Variants in GRB10 observed in about 807,000 individuals in gnomAD.
GRB10 encodes growth factor receptor-bound protein 10.
In GRB10, 20 loss-of-function variants were observed where a neutral mutation model predicts 80.9. That is an observed-to-expected ratio of 0.25 (90% CI 0.17 to 0.36). The LOEUF (loss-of-function observed/expected upper bound fraction) is 0.36. GRB10 is among the 10% of genes least tolerant of loss of function. The pLI, the probability that GRB10 is intolerant of heterozygous loss-of-function variation, is 1.00. For missense variants in GRB10, 548 were observed against 747.7 expected (o/e 0.73, Z 3.12); for synonymous variants, 291 against 291.5 (o/e 1.00, Z 0.02).
chr7:50,631,538 G>T (rs2190496), intron 7 of GRB10, among the ~76,000 whole-genome samples: 1 of 152,092 alleles, frequency 6.6e-6, no homozygotes. Flanking sequence ...GTAAAATGGA[G>T]TTTTTAGTAA....
chr7:50,705,423 A>G (rs1563523168), intron 4 of GRB10: 3 of 386,274 alleles, frequency 7.8e-6, no homozygotes, highest in African/African-American at 6.6e-5. Flanking sequence ...CTTTCTTTTC[A>G]TTTTTTAATC....
chr7:50,771,695 T>C (rs2076993935), intron 2 of GRB10, among the ~76,000 whole-genome samples: 1 of 152,134 alleles, frequency 6.6e-6, no homozygotes, highest in African/African-American at 2.4e-5. Flanking sequence ...TTTAAACTGG[T>C]AGAAGAGACC....
At chr7:50,716,735 C>T (rs202111350) in intron 4 of GRB10, among the ~76,000 whole-genome samples, 1 of 152,334 alleles carries the variant, frequency 6.6e-6, no homozygotes, top group African/African-American at 2.4e-5. Context: ...TCTCCCCTCC[C>T]TCCATCCCCA....
intron 14 of GRB10, among the ~76,000 whole-genome samples, chr7:50,606,026 G>A (rs1371874303): frequency 1.3e-5 from 2 of 152,196 alleles, no homozygotes; most frequent in Non-Finnish European, 2.9e-5. Context: ...GCGAAAGGCA[G>A]GAAAGGCAGT....
chr7:50,665,351 T>C (rs2059688446), intron 7 of GRB10, among the ~76,000 whole-genome samples: 1 of 152,218 alleles, frequency 6.6e-6, no homozygotes, highest in Non-Finnish European at 1.5e-5. Flanking sequence ...TGTTTTAAAA[T>C]TCATCATCAA....
At chr7:50,788,841 A>T (rs1263388946) in intron 1 of GRB10, among the ~76,000 whole-genome samples, 1 of 152,204 alleles carries the variant, frequency 6.6e-6, no homozygotes, top group Admixed American at 6.5e-5. Flanking sequence ...GTAAGAGTCC[A>T]GACACCAACC....
intron 3 of GRB10, among the ~76,000 whole-genome samples, chr7:50,734,074 ATATT>A (rs1248481674): frequency 6.6e-6 from 1 of 151,828 alleles, no homozygotes; most frequent in Non-Finnish European, 1.5e-5. Context: ...ATTTAAACAT[ATATT>A]TATTTATTTT....
chr7:50,736,632 A>G (rs35570017), intron 3 of GRB10, among the ~76,000 whole-genome samples: 1 of 152,164 alleles, frequency 6.6e-6, no homozygotes, highest in Non-Finnish European at 1.5e-5. Flanking sequence ...GCCTCTAAAA[A>G]AATTAGCCAG....
At chr7:50,618,234 C>T (rs2051004597) in intron 9 of GRB10, 95 bp from the exon 10 acceptor site, 3 of 917,250 alleles carry the variant, frequency 3.3e-6, no homozygotes, top group Non-Finnish European at 1.8e-6. Context: ...ACTATTCCTA[C>T]CAGTATAATT....
At chr7:50,720,454 G>A (rs762784044) in intron 4 of GRB10, among the ~76,000 whole-genome samples, 30 of 152,002 alleles carry the variant, frequency 2.0e-4, no homozygotes, top group Non-Finnish European at 1.3e-4. Context: ...ACTCATAACC[G>A]GTGGCAGCAA....
intron 4 of GRB10, among the ~76,000 whole-genome samples, chr7:50,709,475 C>G (rs913573089): frequency 2.0e-5 from 3 of 152,198 alleles, no homozygotes; most frequent in African/African-American, 7.2e-5. Flanking sequence ...CACAAATGCC[C>G]CCTGGCCTCA....
At chr7:50,792,423 A>C (rs781063127) in intron 1 of GRB10, 1 of 398,568 alleles carries the variant, frequency 2.5e-6, no homozygotes, top group Admixed American at 4.4e-5. Flanking sequence ...AGACGCACAC[A>C]ATAAAAAGTA....
chr7:50,645,044 T>G (rs1206099316), intron 7 of GRB10, among the ~76,000 whole-genome samples: 1 of 152,140 alleles, frequency 6.6e-6, no homozygotes, highest in Non-Finnish European at 1.5e-5. Flanking sequence ...TGAGAAAAAT[T>G]TCATAAATGG....
intron 3 of GRB10, among the ~76,000 whole-genome samples, chr7:50,755,141 T>C (rs2074866860): frequency 6.6e-6 from 1 of 152,202 alleles, no homozygotes; most frequent in African/African-American, 2.4e-5. Context: ...AAGCCCGAGC[T>C]AACAGCATCC....
chr7:50,788,719 G>A (rs1194980432), intron 1 of GRB10, among the ~76,000 whole-genome samples: 1 of 152,212 alleles, frequency 6.6e-6, no homozygotes, highest in Non-Finnish European at 1.5e-5. Context: ...AAGCAGGACT[G>A]CCCACTAGCA....
intron 3 of GRB10, among the ~76,000 whole-genome samples, chr7:50,746,822 C>A (rs1290153288): frequency 6.6e-6 from 1 of 152,162 alleles, no homozygotes; most frequent in Non-Finnish European, 1.5e-5. Context: ...GCTCCCCTGG[C>A]CTGTCCCTGC....
chr7:50,666,190 T>C (rs1262834269), intron 7 of GRB10, among the ~76,000 whole-genome samples: 1 of 152,190 alleles, frequency 6.6e-6, no homozygotes, highest in East Asian at 1.9e-4. Flanking sequence ...AACTACTCCA[T>C]CCTGCTTCCT....
intron 2 of GRB10, among the ~76,000 whole-genome samples, chr7:50,775,601 T>C (rs1267065577): frequency 6.6e-6 from 1 of 152,198 alleles, no homozygotes; most frequent in Non-Finnish European, 1.5e-5. Flanking sequence ...ATTGCCCTAG[T>C]GGGGGCTCTT....
chr7:50,711,027 A>T, intron 4 of GRB10: 2 of 821,690 alleles, frequency 2.4e-6, no homozygotes. Flanking sequence ...TAATAACTCC[A>T]CTAAGGTAAA....
Sources: allele counts gnomAD v4.1 joint callset (sites outside exome capture counted in the v4.1 genomes callset), GRCh38; gene constraint gnomAD v4.1.1; transcripts MANE v1.5; gene names NCBI Gene and HGNC (gene_info 2026-07-23, HGNC 2026-07-21).